The following CLTCL1 variants were observed in gnomAD, a reference collection of about 807,000 sequenced individuals.
CLTCL1 encodes the protein clathrin heavy chain 2.
A neutral mutation model predicts 190.0 loss-of-function variants in CLTCL1; 159 were observed. That is an observed-to-expected ratio of 0.84 (90% CI 0.74 to 0.95). The LOEUF is 0.95. Ranked by LOEUF, CLTCL1 falls within the 40% of genes least tolerant of loss-of-function variation. CLTCL1 has a pLI of 0.00. For synonymous variants in CLTCL1, 752 were observed against 769.6 expected (o/e 0.98, Z 0.38); for missense variants, 1,878 against 2,033.4 (o/e 0.92, Z 1.47).
intron 2 of CLTCL1, chr22:19,258,403 TCA>T (rs2086834773): frequency 4.9e-6 from 2 of 405,042 alleles, no homozygotes. Context: ...GAGATAACAC[TCA>T]CAGAGCTGAG....
intron 22 of CLTCL1, among the ~76,000 whole-genome samples, chr22:19,202,413 G>A (rs2071604836): frequency 1.7e-4 from 26 of 151,218 alleles, no homozygotes; most frequent in African/African-American, 5.6e-4. Flanking sequence ...CGCCATCCAC[G>A]GCACCTCCCG....
intron 1 of CLTCL1, among the ~76,000 whole-genome samples, chr22:19,285,472 C>G: frequency 6.6e-6 from 1 of 152,104 alleles, no homozygotes; most frequent in East Asian, 1.9e-4. Context: ...TCAAATTACA[C>G]TATTACAGGT....
intron 23 of CLTCL1, among the ~76,000 whole-genome samples, chr22:19,200,436 C>A (rs1555938597): frequency 6.6e-6 from 1 of 152,248 alleles, no homozygotes; most frequent in Non-Finnish European, 1.5e-5. Context: ...AGTGGAATTA[C>A]ATCATACATT....
At chr22:19,250,608 T>C (rs1273223922) in intron 3 of CLTCL1, among the ~76,000 whole-genome samples, 3 of 151,736 alleles carry the variant, frequency 2.0e-5, no homozygotes, top group Non-Finnish European at 4.4e-5. Flanking sequence ...GGCTGGAGTG[T>C]AGTGGTGCAA....
At chr22:19,185,519 G>T (rs1319085097) in intron 29 of CLTCL1, among the ~76,000 whole-genome samples, 1 of 152,090 alleles carries the variant, frequency 6.6e-6, no homozygotes, top group Admixed American at 6.5e-5. Context: ...GTAGAGATGG[G>T]GTTTCACCAT....
At position 19,234,811 on chromosome 22, in the gene CLTCL1, G is replaced by A. The variant is rs151002503; in HGVS notation, c.970-105C>T. The A allele has an allele frequency of 6.4e-3, 6,662 of 1,045,762 alleles. 34 individuals carry two copies. Among genetic ancestry groups the A allele is most frequent in the Non-Finnish European group, 8.0e-3 (5,575 of 695,072 alleles). The allele number at this position is 1,045,762 out of a possible 1,614,324, so 64.8% of individuals were successfully genotyped here. On this transcript the variant is annotated intron_variant, in intron 6 of 32. Coordinates refer to ENST00000427926, the MANE Select transcript of CLTCL1 (RefSeq NM_007098.4). ...TGGAGTGGTAGCCACATTCTCAGGC[G>A]AGTGTTGAGCACACCTGTGATGGTG...
chr22:19,257,043 A>G (rs1229541530), intron 2 of CLTCL1, among the ~76,000 whole-genome samples: 1 of 152,202 alleles, frequency 6.6e-6, no homozygotes, highest in Non-Finnish European at 1.5e-5. Flanking sequence ...AAAGTGCCTC[A>G]AAAAACTCAA....
chr22:19,201,418 G>C lies in CLTCL1; in HGVS notation c.3676C>G (p.Arg1226Gly). The C allele has an allele frequency of 1.9e-6, 3 of 1,613,892 alleles. No individual in the cohort carries two copies. Among genetic ancestry groups the C allele is most frequent in the Non-Finnish European group, 2.5e-6 (3 of 1,179,846 alleles). Reference sequence around the variant, plus strand: ...AGGTGAACCAAGGTGGAAGCCAGGCGGGCAAAGTTAGAAACATTGCTATAG... The same window carrying C: ...AGGTGAACCAAGGTGGAAGCCAGGCCGGCAAAGTTAGAAACATTGCTATAG... ...LLYSNVSNFA[R>G]LASTLVHLGE... Residue 1226 changes from arginine (R) to glycine (G), a missense_variant, in exon 23 of 33, where the codon CGC becomes GGC. Arg to Gly is a moderately radical substitution (Grantham distance 125). Transcript: ENST00000427926.
chr22:19,212,988 C>A (rs1555947724), intron 19 of CLTCL1, among the ~76,000 whole-genome samples: 2 of 152,032 alleles, frequency 1.3e-5, no homozygotes, highest in African/African-American at 4.8e-5. Context: ...TGGACTTTAT[C>A]AAAATTATAA....
intron 10 of CLTCL1, among the ~76,000 whole-genome samples, chr22:19,231,850 G>A (rs1357744585): frequency 1.3e-5 from 2 of 152,084 alleles, no homozygotes; most frequent in Non-Finnish European, 2.9e-5. Flanking sequence ...TCTTATTCAT[G>A]TTCTCCAAAA....
In CLTCL1 at chr22:19,221,957, C is replaced by A; in HGVS notation, c.2555G>T (p.Arg852Ile). ...TDELVAEVEKRNRLKLLLPWL... is the reference protein window; with the variant it reads ...TDELVAEVEKINRLKLLLPWL... ...CCAAGTAAGGACACCTTACCTATTT[C>A]TTTTTTCTACTTCAGCCACCAACTC... The change falls in exon 16 of 33, where the codon AGA becomes ATA. Residue 852 changes from arginine (R) to isoleucine (I), a missense_variant. Coordinates refer to ENST00000427926, the MANE Select transcript of CLTCL1 (RefSeq NM_007098.4). 1.9e-6 allele frequency: 3 copies of A among 1,613,852 alleles called. No homozygotes were observed. Among genetic ancestry groups the A allele is most frequent in the Non-Finnish European group, 2.5e-6 (3 of 1,179,858 alleles).
chr22:19,228,630 T>C (rs527925524), intron 11 of CLTCL1, among the ~76,000 whole-genome samples: 61 of 152,306 alleles, frequency 4.0e-4, no homozygotes, highest in South Asian at 4.1e-4. Context: ...ATACTTAATA[T>C]GTTGTTTCCT....
At chr22:19,258,217 G>T in intron 2 of CLTCL1, 1 of 339,436 alleles carries the variant, frequency 2.9e-6, no homozygotes, top group South Asian at 2.4e-5. Flanking sequence ...GCTTTGGGTT[G>T]ACTGTGGAGG....
chr22:19,283,357 T>A (rs932765256), intron 1 of CLTCL1, among the ~76,000 whole-genome samples: 1 of 152,074 alleles, frequency 6.6e-6, no homozygotes, highest in Non-Finnish European at 1.5e-5. Context: ...CTTGGCTTAC[T>A]GCAAAGTCTG....
At chr22:19,259,358 G>A (rs148811264) in intron 2 of CLTCL1, among the ~76,000 whole-genome samples, 5 of 151,888 alleles carry the variant, frequency 3.3e-5, no homozygotes, top group African/African-American at 4.8e-5. Flanking sequence ...TGCCCGCCTC[G>A]GCCTCCCAAA....
chr22:19,225,683 G>T, intron 12 of CLTCL1, 50 bp from the exon 13 acceptor site: 2 of 1,439,824 alleles, frequency 1.4e-6, no homozygotes, highest in East Asian at 2.5e-5. Flanking sequence ...TCTAAAGATT[G>T]CTAACACTTG....
In CLTCL1 at chr22:19,206,733, G is replaced by A. The variant is rs1051962603; in HGVS notation, c.3600+1421C>T. Among the ~76,000 whole-genome samples, 5 of 150,870 alleles carry A rather than the reference G, an allele frequency of 3.3e-5. No individual in the cohort carries two copies. The East Asian group carries it at 9.8e-4, about 30-fold the overall frequency. On this transcript the variant is annotated intron_variant, in intron 22 of 32. Transcript: ENST00000427926. Reference sequence around the variant, plus strand: ...ATTACAGGCATGAGCCACTGTGCCCGGCCCACTTTGTTGTTATTCATTTCA... The same window carrying A: ...ATTACAGGCATGAGCCACTGTGCCCAGCCCACTTTGTTGTTATTCATTTCA...
intron 30 of CLTCL1, chr22:19,183,058 C>A (rs906749509): frequency 1.9e-5 from 6 of 317,670 alleles, no homozygotes; most frequent in African/African-American, 1.3e-4. Flanking sequence ...CCAGCCACCT[C>A]ACTGTCACCT....
intron 27 of CLTCL1, 80 bp from the exon 28 acceptor site, chr22:19,188,171 G>T: frequency 1.6e-6 from 2 of 1,272,402 alleles, no homozygotes; most frequent in Non-Finnish European, 2.3e-6. Flanking sequence ...GTGGGCACGT[G>T]CGTGCCATCC....
Sources: allele counts gnomAD v4.1 joint callset (sites outside exome capture counted in the v4.1 genomes callset), GRCh38; gene constraint gnomAD v4.1.1; transcripts MANE v1.5; gene names NCBI Gene and HGNC (gene_info 2026-07-23, HGNC 2026-07-21).